LPCAT4: variants seen among roughly 807,000 people sequenced by gnomAD.
LPCAT4 encodes lysophospholipid acyltransferase LPCAT4.
A neutral mutation model predicts 66.5 loss-of-function variants in LPCAT4; 30 were observed. The ratio of observed to expected loss-of-function variants is 0.45; its 90% CI spans 0.34 to 0.61. The LOEUF is 0.61. LPCAT4 is among the 20% of genes least tolerant of loss of function. LPCAT4 has a pLI of 0.01. For missense variants in LPCAT4, 557 were observed against 656.7 expected (o/e 0.85, Z 1.66); for synonymous variants, 253 against 262.1 (o/e 0.97, Z 0.34).
chr15:34,362,944 T>C, intron 7 of LPCAT4, 108 bp from the exon 8 acceptor site: 1 of 1,091,414 alleles, frequency 9.2e-7, no homozygotes, highest in Non-Finnish European at 1.4e-6. Context: ...TGGGAAAAGT[T>C]CTGCCCATTG....
intron 3 of LPCAT4, chr15:34,364,608 C>A (rs576256634): frequency 8.2e-5 from 6 of 73,460 alleles, no homozygotes; most frequent in Non-Finnish European, 1.5e-4. Context: ...TTTTTTTTTA[C>A]GCCCGGCTAC....
At chr15:34,359,353 G>C (rs373050431) in intron 13 of LPCAT4, 51 bp from the exon 14 acceptor site, 16 of 1,445,064 alleles carry the variant, frequency 1.1e-5, no homozygotes, top group Non-Finnish European at 1.3e-5. Flanking sequence ...AACGAGAAGA[G>C]AATCTCCCTG....
In LPCAT4 at chr15:34,363,398, AC is replaced by A; in HGVS notation, c.746+23del. On this transcript the variant is annotated intron_variant, in intron 7 of 13. Transcript: ENST00000314891. The surrounding 1 kb of genome is among the most constrained non-coding windows in gnomAD (Gnocchi z 4.3). ...CTGATGGACCCTGCTCCCCACCCTC[AC>A]CCCCAGGAATACCAGAACTCACACT... 6.2e-7 allele frequency: 1 copy of A among 1,611,096 alleles called. No homozygotes were observed. Among genetic ancestry groups the A allele is most frequent in the Non-Finnish European group, 8.5e-7 (1 of 1,178,662 alleles).
chr15:34,364,755 G>C (rs1379680604), intron 3 of LPCAT4: 1 of 464,526 alleles, frequency 2.2e-6, no homozygotes, highest in Non-Finnish European at 3.8e-6. Context: ...TGCCTGGCCT[G>C]TTATCTTTGC....
intron 2 of LPCAT4, 121 bp from the exon 3 acceptor site, chr15:34,365,349 G>T: frequency 8.1e-7 from 1 of 1,227,210 alleles, no homozygotes; most frequent in South Asian, 1.5e-5. Context: ...GTGACCAAGG[G>T]GCCAAGGTCT....
intron 3 of LPCAT4, chr15:34,364,526 T>G: frequency 2.4e-6 from 1 of 423,870 alleles, no homozygotes; most frequent in South Asian, 3.6e-5. Flanking sequence ...TGGGTTCAAG[T>G]GATTCTCCTG....
At position 34,364,263 on chromosome 15, in the gene LPCAT4, G is replaced by T. The variant is rs753442937; in HGVS notation, c.522C>A (p.Asp174Glu). The change falls in exon 4 of 14, where the codon GAC (aspartate) becomes GAA (glutamate). Residue 174 changes from aspartate (D) to glutamate (E), a missense_variant. Physicochemically the swap from Asp to Glu is conservative, Grantham distance 45 (BLOSUM62 2). Around this residue, in one of 4 missense-constraint regions of LPCAT4, gnomAD observed 392 missense variants for 473.9 expected, o/e 0.83. Coordinates refer to ENST00000314891, the MANE Select transcript of LPCAT4 (RefSeq NM_153613.3). ...FNQAILVSRH[D>E]PASRRRVVEE... ...CCACCACTCTGCGTCGAGAAGCCGG[G>T]TCATGCCGGGATACCAGGATGGCTT... is the stretch of plus-strand genomic sequence containing the variant. 13 of 1,613,998 alleles carry T rather than the reference G, an allele frequency of 8.1e-6. No individual in the cohort carries two copies. The Admixed American group carries it at 2.0e-4, about 25-fold the overall frequency.
rs1417637417 is a variant in LPCAT4, at chr15:34,362,638, G to T, written c.819C>A (p.His273Gln). The change falls in exon 9 of 14, where the codon CAC becomes CAA. Residue 273 changes from histidine to glutamine, a missense_variant. Physicochemically the swap from His to Gln is conservative, Grantham distance 24. Transcript: ENST00000314891. Reference sequence around the variant, plus strand: ...GGTCCCTGCTCTCCTCAGGGCTGGGGTGATACACAGGAAGGAACTGAAACA... The same window carrying T: ...GGTCCCTGCTCTCCTCAGGGCTGGGTTGATACACAGGAAGGAACTGAAACA... ...IVDVEFLPVYHPSPEESRDPT... is the reference protein window; with the variant it reads ...IVDVEFLPVYQPSPEESRDPT... The T allele has an allele frequency of 1.0e-5, 16 of 1,594,924 alleles. No homozygotes were observed. The highest frequency in any genetic ancestry group is 2.2e-5 in the East Asian group (1 of 44,732).
At chr15:34,362,928 G>A in intron 7 of LPCAT4, 92 bp from the exon 8 acceptor site, 2 of 1,312,524 alleles carry the variant, frequency 1.5e-6, no homozygotes, top group East Asian at 2.5e-5. Flanking sequence ...CAACCCAGGT[G>A]GGGAGTGGGA....
chr15:34,366,453 C>T (rs970986126), intron 1 of LPCAT4, among the ~76,000 whole-genome samples: 12 of 152,168 alleles, frequency 7.9e-5, no homozygotes, highest in Non-Finnish European at 1.5e-4. Flanking sequence ...AGCCAACCTC[C>T]CTCTCAGCCT....
intron 12 of LPCAT4, 67 bp downstream of exon 12, chr15:34,360,044 A>G (rs1351927047): frequency 7.6e-7 from 1 of 1,322,818 alleles, no homozygotes. Context: ...AGCATACCAA[A>G]ATAGGCCTCC....
At chr15:34,365,399 G>T in intron 2 of LPCAT4, 160 bp downstream of exon 2, 1 of 1,177,378 alleles carries the variant, frequency 8.5e-7, no homozygotes, top group Non-Finnish European at 1.2e-6. Context: ...TTACTTAGAG[G>T]TGAGGTCTGG....
chr15:34,365,750 T>C, intron 1 of LPCAT4, 49 bp from the exon 2 acceptor site: 1 of 1,593,488 alleles, frequency 6.3e-7, no homozygotes, highest in Middle Eastern at 2.2e-4. Flanking sequence ...ATATGCTCCC[T>C]CCACAGCATC....
At chr15:34,366,585 G>C (rs916888763) in intron 1 of LPCAT4, among the ~76,000 whole-genome samples, 2 of 151,884 alleles carry the variant, frequency 1.3e-5, no homozygotes, top group African/African-American at 4.8e-5. Flanking sequence ...TTCCCTCTAA[G>C]TCATGCCTCG....
rs537015655 is a variant in LPCAT4, at chr15:34,363,486, G to T, written c.712-30C>A. ...GGGAGAAACACAGGTGAGGGCATAAGAGCATTACTTTTTCCCCCTGGAACT... is the reference window on the plus strand; with the variant it reads ...GGGAGAAACACAGGTGAGGGCATAATAGCATTACTTTTTCCCCCTGGAACT... On this transcript the variant is annotated intron_variant, in intron 6 of 13. Coordinates refer to ENST00000314891, the MANE Select transcript of LPCAT4 (RefSeq NM_153613.3). The surrounding 1 kb of genome is among the most constrained non-coding windows in gnomAD (Gnocchi z 4.3). 6.2e-7 allele frequency: 1 copy of T among 1,613,906 alleles called. No homozygotes were observed. The highest frequency in any genetic ancestry group is 8.5e-7 in the Non-Finnish European group (1 of 1,179,870).
At position 34,364,183 on chromosome 15, in the gene LPCAT4, C is replaced by T. The variant is rs776713939; in HGVS notation, c.591+11G>A. On this transcript the variant is annotated intron_variant, in intron 4 of 13. Coordinates refer to ENST00000314891, the MANE Select transcript of LPCAT4 (RefSeq NM_153613.3). ...GGAAAGTGAGAAGATGGTCTTGAGA[C>T]CCTTACCCACCTGCGGCCACTTGCC... 7.5e-6 allele frequency: 12 copies of T among 1,604,888 alleles called. No homozygotes were observed. Among genetic ancestry groups the T allele is most frequent in the South Asian group, 2.2e-5 (2 of 90,906 alleles).
intron 1 of LPCAT4, 56 bp downstream of exon 1, chr15:34,366,931 T>C: frequency 6.6e-7 from 1 of 1,520,680 alleles, no homozygotes; most frequent in Non-Finnish European, 8.9e-7. Flanking sequence ...AGGGCTCAAA[T>C]GGCCCCATTT....
In LPCAT4 at chr15:34,364,789, G is replaced by A. The variant is rs1286750169; in HGVS notation, c.478+219C>T. 5.5e-6 allele frequency: 3 copies of A among 545,480 alleles called. No homozygotes were observed. In the Admixed American group the frequency reaches 9.3e-5, roughly 17 times the overall value. The allele number at this position is 545,480 out of a possible 1,614,324, so 33.8% of individuals were successfully genotyped here. A position where few individuals can be genotyped will look rare whatever the true frequency, so the allele number is the denominator to read the frequency against. On this transcript the variant is annotated intron_variant, in intron 3 of 13. Transcript: ENST00000314891. ...GCCCTGGGACAATCCCTTTATAGTA[G>A]TTGTCCTTTTAGAGAACTGACCAGA...
At chr15:34,361,289 A>G in intron 11 of LPCAT4, 111 bp downstream of exon 11, 1 of 1,529,156 alleles carries the variant, frequency 6.5e-7, no homozygotes, top group East Asian at 2.3e-5. Flanking sequence ...AACAGCTGTG[A>G]GAACATCCAC....
Sources: gnomAD v4.1 joint callset for allele counts (sites outside exome capture counted in the v4.1 genomes callset) on GRCh38, gnomAD v4.1.1 for gene constraint, gnomAD v4.1.1 regional missense constraint, Gnocchi (gnomAD v3.1) non-coding constraint, MANE v1.5 for transcripts, NCBI Gene and HGNC (gene_info 2026-07-23, HGNC 2026-07-21) for gene names.